The following HS3ST4 variants were observed in gnomAD, a reference collection of about 807,000 sequenced individuals.
The protein encoded by HS3ST4 is heparan sulfate glucosamine 3-O-sulfotransferase 4.
HS3ST4 carries 17 observed loss-of-function variants against 29.2 expected under a neutral mutation model. The ratio of observed to expected loss-of-function variants is 0.58; its 90% confidence interval spans 0.40 to 0.87. HS3ST4 has a LOEUF of 0.87. Ranked by LOEUF, HS3ST4 falls within the 40% of genes least tolerant of loss-of-function variation. The pLI is 0.00. For missense variants in HS3ST4, 627 were observed against 634.5 expected, an observed-to-expected ratio of 0.99 and a Z score of 0.13; for synonymous variants, 314 against 285.7, an observed-to-expected ratio of 1.10 and a Z score of -1.00.
chr16:25,898,041 T>C (rs1329204416), intron 1 of HS3ST4, among the ~76,000 whole-genome samples: 1 of 152,200 alleles, frequency 6.6e-6, no homozygotes, highest in Non-Finnish European at 1.5e-5. Context: ...GTGAGCCGCC[T>C]GGGACTCAGA....
chr16:25,793,803 C>T (rs923638209), intron 1 of HS3ST4, among the ~76,000 whole-genome samples: 1 of 151,844 alleles, frequency 6.6e-6, no homozygotes, highest in African/African-American at 2.4e-5. Context: ...ATAAACATTT[C>T]TTTTTTACCT....
At chr16:25,861,319 T>A (rs1393238732) in intron 1 of HS3ST4, among the ~76,000 whole-genome samples, 1 of 152,162 alleles carries the variant, frequency 6.6e-6, no homozygotes, top group Non-Finnish European at 1.5e-5. Context: ...TTCTGCAAGT[T>A]CAGCTTAGAG....
At chr16:25,746,083 G>T (rs549101116) in intron 1 of HS3ST4, among the ~76,000 whole-genome samples, 1 of 152,214 alleles carries the variant, frequency 6.6e-6, no homozygotes, top group African/African-American at 2.4e-5. Flanking sequence ...TTGTTCCATG[G>T]ATTTACCTGT....
chr16:25,937,737 G>A (rs1282879478), intron 1 of HS3ST4, among the ~76,000 whole-genome samples: 2 of 152,206 alleles, frequency 1.3e-5, no homozygotes, highest in Non-Finnish European at 2.9e-5. Flanking sequence ...TAGCTCTGAT[G>A]TGCTGTGCAA....
At chr16:25,721,652 GT>G (rs1244665975) in intron 1 of HS3ST4, among the ~76,000 whole-genome samples, 2 of 152,132 alleles carry the variant, frequency 1.3e-5, no homozygotes, top group Non-Finnish European at 2.9e-5. Context: ...TTGAGTAGTT[GT>G]TTTTCCTTCC....
chr16:25,906,814 G>C (rs574490896), intron 1 of HS3ST4, among the ~76,000 whole-genome samples: 1 of 151,996 alleles, frequency 6.6e-6, no homozygotes, highest in Admixed American at 6.6e-5. Context: ...CTTAAGGAAG[G>C]TAAAATTAAG....
chr16:26,084,759 AGTT>A (rs1453759358), intron 1 of HS3ST4, among the ~76,000 whole-genome samples: 1 of 151,502 alleles, frequency 6.6e-6, no homozygotes, highest in Non-Finnish European at 1.5e-5. Flanking sequence ...TAATTATTTT[AGTT>A]GTTGTTGTTT....
chr16:26,117,569 GT>G (rs1428921432), intron 1 of HS3ST4, among the ~76,000 whole-genome samples: 1 of 152,168 alleles, frequency 6.6e-6, no homozygotes, highest in African/African-American at 2.4e-5. Flanking sequence ...ACTAAATGCT[GT>G]GTCTGCTGCT....
chr16:26,062,428 C>G (rs1342428133), intron 1 of HS3ST4, among the ~76,000 whole-genome samples: 1 of 152,188 alleles, frequency 6.6e-6, no homozygotes, highest in African/African-American at 2.4e-5. Flanking sequence ...ATCTAGATTT[C>G]TGCCATGATA....
chr16:25,739,653 C>T (rs1182819534), intron 1 of HS3ST4, among the ~76,000 whole-genome samples: 1 of 152,198 alleles, frequency 6.6e-6, no homozygotes, highest in East Asian at 1.9e-4. Flanking sequence ...TGGGTGATGT[C>T]TTAAGCTGAT....
chr16:25,909,410 A>G (rs1249724549), intron 1 of HS3ST4, among the ~76,000 whole-genome samples: 1 of 152,042 alleles, frequency 6.6e-6, no homozygotes, highest in Non-Finnish European at 1.5e-5. Flanking sequence ...GCTGGTCTTG[A>G]GCTCCTGGAC....
chr16:25,797,207 T>C (rs1175238388), intron 1 of HS3ST4, among the ~76,000 whole-genome samples: 3 of 152,200 alleles, frequency 2.0e-5, no homozygotes, highest in Non-Finnish European at 4.4e-5. Flanking sequence ...GTTTTCAACT[T>C]TATCCATGTA....
chr16:25,791,188 T>C (rs963852462), intron 1 of HS3ST4, among the ~76,000 whole-genome samples: 2 of 152,122 alleles, frequency 1.3e-5, no homozygotes, highest in African/African-American at 4.8e-5. Context: ...TTGTCACAAA[T>C]CAAGTTATTA....
intron 1 of HS3ST4, among the ~76,000 whole-genome samples, chr16:25,798,491 A>G (rs1386170872): frequency 2.6e-5 from 4 of 152,334 alleles, no homozygotes. Context: ...TATGGCAATC[A>G]TACAATGACT....
At chr16:25,924,800 C>T (rs905124613) in intron 1 of HS3ST4, among the ~76,000 whole-genome samples, 21 of 152,258 alleles carry the variant, frequency 1.4e-4, no homozygotes, top group African/African-American at 5.1e-4. Context: ...GGTGTCTGGA[C>T]TGATGAGCAA....
At chr16:26,021,376 T>C (rs1969412650) in intron 1 of HS3ST4, among the ~76,000 whole-genome samples, 1 of 152,214 alleles carries the variant, frequency 6.6e-6, no homozygotes, top group Non-Finnish European at 1.5e-5. Flanking sequence ...CAGACATTCT[T>C]TCCTGTTGAC....
chr16:25,989,129 T>C (rs569366957), intron 1 of HS3ST4, among the ~76,000 whole-genome samples: 1 of 152,292 alleles, frequency 6.6e-6, no homozygotes, highest in East Asian at 1.9e-4. Context: ...AGCGTTTGGC[T>C]TATTTGAATC....
At chr16:25,919,482 A>C (rs1968325684) in intron 1 of HS3ST4, among the ~76,000 whole-genome samples, 1 of 152,224 alleles carries the variant, frequency 6.6e-6, no homozygotes, top group South Asian at 2.1e-4. Flanking sequence ...GCAGTTGTAT[A>C]TATTGGTCTG....
At chr16:25,854,324 T>C (rs4393576) in intron 1 of HS3ST4, among the ~76,000 whole-genome samples, 107,834 of 152,050 alleles carry the variant, frequency 0.71, 39,356 homozygotes, top group African/African-American at 0.87. Context: ...CCTGACATTG[T>C]CATGGCATTT....
Sources: allele counts gnomAD v4.1 joint callset (sites outside exome capture counted in the v4.1 genomes callset), GRCh38; gene constraint gnomAD v4.1.1; transcripts MANE v1.5; gene names NCBI Gene and HGNC (gene_info 2026-07-23, HGNC 2026-07-21).